The following FBXL17 variants were observed in gnomAD, a reference collection of about 807,000 sequenced individuals.
FBXL17 encodes the protein F-box and leucine rich repeat protein 17.
Under a neutral mutation model 66.2 loss-of-function variants are expected in FBXL17, and 22 were observed. That is an observed-to-expected ratio of 0.33 (90% confidence interval 0.24 to 0.47). The LOEUF (loss-of-function observed/expected upper bound fraction) is 0.47. FBXL17 is among the 20% of genes least tolerant of loss of function. FBXL17 has a pLI of 1.00. For synonymous variants in FBXL17, 474 were observed against 400.5 expected (o/e 1.18, Z -2.19); for missense variants, 878 against 948.2 (o/e 0.93, Z 0.97).
intron 6 of FBXL17, among the ~76,000 whole-genome samples, chr5:108,083,689 T>G (rs897906992): frequency 6.6e-6 from 1 of 152,060 alleles, no homozygotes; most frequent in African/African-American, 2.4e-5. Context: ...ATTACAGGCA[T>G]GAGCCACCAT....
At chr5:108,153,714 T>G (rs766198996) in intron 6 of FBXL17, among the ~76,000 whole-genome samples, 10 of 152,134 alleles carry the variant, frequency 6.6e-5, no homozygotes, top group Non-Finnish European at 1.3e-4. Flanking sequence ...CTTGCCTTCT[T>G]GAACATGGAG....
At chr5:108,196,340 C>T (rs1698409331) in intron 5 of FBXL17, among the ~76,000 whole-genome samples, 1 of 152,272 alleles carries the variant, frequency 6.6e-6, no homozygotes, top group Non-Finnish European at 1.5e-5. Flanking sequence ...GCCTTCTCAG[C>T]CCCAGTGTAT....
intron 6 of FBXL17, among the ~76,000 whole-genome samples, chr5:108,064,097 T>A (rs1385810293): frequency 2.0e-5 from 3 of 152,170 alleles, no homozygotes; most frequent in African/African-American, 7.2e-5. Flanking sequence ...ATTATGAATA[T>A]AACTTTCACT....
At position 107,888,837 on chromosome 5, in the gene FBXL17, T is replaced by C. The variant is rs76140188; in HGVS notation, c.1823-7658A>G. Among the ~76,000 whole-genome samples the C allele has an allele frequency of 3.6e-3, 553 of 152,350 alleles. 6 individuals carry two copies. Among genetic ancestry groups the C allele is most frequent in the African/African-American group, 0.011 (447 of 41,594 alleles). ...TGTGTGGACATATGTTTTCATTTCA[T>C]GTGGGTAATTGCCTATGAGTGGACT... On this transcript the variant is annotated intron_variant, in intron 7 of 8. Coordinates refer to ENST00000542267, the MANE Select transcript of FBXL17 (RefSeq NM_001163315.3).
intron 8 of FBXL17, among the ~76,000 whole-genome samples, chr5:107,876,608 G>C (rs1353382928): frequency 6.6e-6 from 1 of 152,130 alleles, no homozygotes; most frequent in African/African-American, 2.4e-5. Flanking sequence ...TTCCGCCAGT[G>C]CCAGGCCACA....
intron 1 of FBXL17, among the ~76,000 whole-genome samples, chr5:108,374,675 C>T (rs1036386116): frequency 2.6e-5 from 4 of 151,016 alleles, no homozygotes; most frequent in African/African-American, 9.8e-5. Context: ...GACTCTGTTT[C>T]AAAAAATGAA....
intron 6 of FBXL17, among the ~76,000 whole-genome samples, chr5:108,128,946 T>C (rs1403154595): frequency 6.6e-6 from 1 of 152,132 alleles, no homozygotes; most frequent in Admixed American, 6.5e-5. Flanking sequence ...GTTCATGGTA[T>C]GTAGGAATTC....
chr5:108,059,821 A>T (rs1295315464), intron 6 of FBXL17, among the ~76,000 whole-genome samples: 2 of 152,098 alleles, frequency 1.3e-5, no homozygotes, highest in African/African-American at 4.8e-5. Context: ...AACACTCGGG[A>T]GTATTTCTAA....
At chr5:108,149,757 A>G (rs953174152) in intron 6 of FBXL17, among the ~76,000 whole-genome samples, 2 of 152,212 alleles carry the variant, frequency 1.3e-5, no homozygotes, top group African/African-American at 4.8e-5. Flanking sequence ...TAACTTTAAG[A>G]TAGTCCATGT....
intron 6 of FBXL17, among the ~76,000 whole-genome samples, chr5:108,055,544 G>A (rs1166676922): frequency 4.7e-4 from 66 of 141,762 alleles, no homozygotes; most frequent in Non-Finnish European, 8.1e-4. Flanking sequence ...GGGAGGTGGA[G>A]CTTGCAGTGA....
chr5:108,109,935 T>C (rs1165472978), intron 6 of FBXL17, among the ~76,000 whole-genome samples: 1 of 152,208 alleles, frequency 6.6e-6, no homozygotes, highest in Admixed American at 6.5e-5. Flanking sequence ...TTCCATTCTA[T>C]TAAAATCAGA....
At chr5:108,224,472 C>A (rs1254948149) in intron 4 of FBXL17, among the ~76,000 whole-genome samples, 1 of 151,786 alleles carries the variant, frequency 6.6e-6, no homozygotes, top group Admixed American at 6.6e-5. Flanking sequence ...ACACTGGCTA[C>A]CTCCAATTCT....
intron 6 of FBXL17, among the ~76,000 whole-genome samples, chr5:108,118,283 C>T (rs886149823): frequency 6.6e-6 from 1 of 152,162 alleles, no homozygotes; most frequent in African/African-American, 2.4e-5. Flanking sequence ...GACATCCCTG[C>T]CTGGTGGACC....
At chr5:108,309,307 G>C (rs1482845163) in intron 4 of FBXL17, among the ~76,000 whole-genome samples, 1 of 151,810 alleles carries the variant, frequency 6.6e-6, no homozygotes, top group Non-Finnish European at 1.5e-5. Context: ...GTATTAACAA[G>C]TCTGAAATGA....
intron 7 of FBXL17, among the ~76,000 whole-genome samples, chr5:107,960,873 G>A (rs1339610944): frequency 6.6e-6 from 1 of 152,134 alleles, no homozygotes; most frequent in Non-Finnish European, 1.5e-5. Flanking sequence ...CCAAACTGTA[G>A]GGAGTTCCAA....
At chr5:108,194,217 G>A (rs894844050) in intron 5 of FBXL17, among the ~76,000 whole-genome samples, 6 of 152,132 alleles carry the variant, frequency 3.9e-5, no homozygotes, top group African/African-American at 9.6e-5. Flanking sequence ...TTCTCACTAC[G>A]CTCGGTGAAC....
intron 4 of FBXL17, among the ~76,000 whole-genome samples, chr5:108,292,488 T>A (rs530922883): frequency 1.3e-5 from 2 of 152,228 alleles, no homozygotes; most frequent in South Asian, 4.2e-4. Context: ...TTCCTGATCT[T>A]TCTCTCTAAA....
intron 5 of FBXL17, among the ~76,000 whole-genome samples, chr5:108,216,657 A>C (rs1448060936): frequency 6.6e-6 from 1 of 151,994 alleles, no homozygotes; most frequent in Non-Finnish European, 1.5e-5. Context: ...TACTGAAAGG[A>C]GTTAGTTAGC....
intron 4 of FBXL17, among the ~76,000 whole-genome samples, chr5:108,319,089 C>T (rs1369469465): frequency 6.6e-6 from 1 of 151,782 alleles, no homozygotes; most frequent in Non-Finnish European, 1.5e-5. Flanking sequence ...TTTTATTCTA[C>T]CCAAACAGGC....
Sources: allele counts gnomAD v4.1 joint callset (sites outside exome capture counted in the v4.1 genomes callset), GRCh38; gene constraint gnomAD v4.1.1; transcripts MANE v1.5; gene names NCBI Gene and HGNC (gene_info 2026-07-23, HGNC 2026-07-21).